Variants in FBXW7 observed in about 807,000 individuals in gnomAD.
The protein encoded by FBXW7 is F-box and WD repeat domain containing 7, also known as F-box/WD repeat-containing protein 7.
Under a neutral mutation model 86.3 loss-of-function variants are expected in FBXW7, and 11 were observed. That is an observed-to-expected ratio of 0.13 (90% CI 0.08 to 0.21). The LOEUF (loss-of-function observed/expected upper bound fraction) is 0.21. FBXW7 is among the 10% of genes least tolerant of loss of function. The pLI is 1.00. For synonymous variants in FBXW7, 313 were observed against 297.9 expected, an observed-to-expected ratio of 1.05 and a Z score of -0.52; for missense variants, 488 against 847.4, an observed-to-expected ratio of 0.58 and a Z score of 5.27.
At chr4:152,518,860 G>A (rs1261638628) in intron 2 of FBXW7, among the ~76,000 whole-genome samples, 2 of 152,070 alleles carry the variant, frequency 1.3e-5, no homozygotes, top group Non-Finnish European at 2.9e-5. Context: ...TAAAAACTAT[G>A]TTCTCACAGT....
chr4:152,346,704 T>C (rs1230046483), intron 6 of FBXW7: 1 of 487,008 alleles, frequency 2.1e-6, no homozygotes, highest in Non-Finnish European at 3.6e-6. Context: ...CAGGCAACCA[T>C]TAATCTACTT....
At chr4:152,349,172 T>C (rs1483818084) in intron 5 of FBXW7, among the ~76,000 whole-genome samples, 1 of 151,982 alleles carries the variant, frequency 6.6e-6, no homozygotes, top group Admixed American at 6.6e-5. Context: ...GTGCATCTTA[T>C]AGAATAAAAA....
At chr4:152,392,610 G>A (rs1160723212) in intron 4 of FBXW7, among the ~76,000 whole-genome samples, 1 of 152,084 alleles carries the variant, frequency 6.6e-6, no homozygotes, top group Admixed American at 6.6e-5. Context: ...AGAACAATGA[G>A]AAATAATAAA....
Position 152,330,813 on chromosome 4 carries a change from T to C in FBXW7, c.1041A>G (p.Ile347Met), listed in dbSNP as rs1729498373. The C allele has an allele frequency of 6.2e-7, 1 of 1,612,722 alleles. No homozygotes were observed. Among genetic ancestry groups the C allele is most frequent in the African/African-American group, 1.3e-5 (1 of 74,968 alleles). ...KRRKVIKPGF[I>M]HSPWKSAYIR... ...TGTATGCACTTTTCCATGGACTGTG[T>C]ATGAAACCTGGTTTTATTACTTTTC... Residue 347 changes from isoleucine (I) to methionine (M), a missense_variant, in exon 9 of 14, where the codon ATA becomes ATG. By Grantham distance (10) the Ile-to-Met change is conservative (BLOSUM62 1). Transcript: ENST00000281708.
In FBXW7 at chr4:152,324,169, G is replaced by A. The variant is rs1407332264; in HGVS notation, c.1855+15C>T. 2.5e-6 allele frequency: 4 copies of A among 1,598,074 alleles called. No homozygotes were observed. The highest frequency in any genetic ancestry group is 1.7e-5 in the Admixed American group (1 of 59,782). On this transcript the variant is annotated intron_variant, in intron 13 of 13. Transcript: ENST00000281708. ...TCATTTTTAATGAACAAAACGAAAG[G>A]TGAGTAAGACTTACCTTGCAATGTT...
chr4:152,357,114 A>C (rs765138237), intron 4 of FBXW7, among the ~76,000 whole-genome samples: 53 of 152,160 alleles, frequency 3.5e-4, no homozygotes, highest in Non-Finnish European at 5.4e-4. Context: ...CTAAGTAAAC[A>C]AATACTGTGA....
chr4:152,526,441 G>C (rs969382793), intron 2 of FBXW7, among the ~76,000 whole-genome samples: 10 of 152,002 alleles, frequency 6.6e-5, no homozygotes, highest in Admixed American at 3.3e-4. Context: ...AGGTATTTCT[G>C]AAAACCAATC....
intron 2 of FBXW7, among the ~76,000 whole-genome samples, chr4:152,479,271 C>A (rs913811689): frequency 6.6e-6 from 1 of 151,848 alleles, no homozygotes; most frequent in Non-Finnish European, 1.5e-5. Context: ...ACAAGTCTTA[C>A]AAAGTAATAA....
chr4:152,493,013 T>C (rs1177688952), intron 2 of FBXW7, among the ~76,000 whole-genome samples: 1 of 151,148 alleles, frequency 6.6e-6, no homozygotes. Context: ...ATAACAGAAG[T>C]AAGAGAAGCA....
chr4:152,418,167 T>A (rs1738623925), intron 2 of FBXW7, among the ~76,000 whole-genome samples: 1 of 142,478 alleles, frequency 7.0e-6, no homozygotes, highest in Non-Finnish European at 1.5e-5. Flanking sequence ...ACACACAAAA[T>A]CCACTTAGCA....
At chr4:152,334,994 G>T (rs895038608) in intron 7 of FBXW7, among the ~76,000 whole-genome samples, 1 of 152,108 alleles carries the variant, frequency 6.6e-6, no homozygotes, top group African/African-American at 2.4e-5. Flanking sequence ...TGTCAACAAG[G>T]TTATGTCTTA....
At chr4:152,383,679 T>C (rs941600145) in intron 4 of FBXW7, among the ~76,000 whole-genome samples, 1 of 152,120 alleles carries the variant, frequency 6.6e-6, no homozygotes, top group Non-Finnish European at 1.5e-5. Context: ...AAGAAAGGAT[T>C]TGAAAGGAGA....
intron 2 of FBXW7, among the ~76,000 whole-genome samples, chr4:152,527,506 G>A (rs1251514900): frequency 1.3e-5 from 2 of 152,204 alleles, no homozygotes; most frequent in Non-Finnish European, 2.9e-5. Flanking sequence ...TGTGGCCCCA[G>A]CCTGTAATCT....
At chr4:152,501,552 AGAG>A (rs1172052672) in intron 2 of FBXW7, among the ~76,000 whole-genome samples, 1 of 152,204 alleles carries the variant, frequency 6.6e-6, no homozygotes, top group Non-Finnish European at 1.5e-5. Flanking sequence ...TTAAAACCAC[AGAG>A]GAGTTGAAGT....
chr4:152,446,983 A>G (rs2676332), intron 2 of FBXW7, among the ~76,000 whole-genome samples: 6,175 of 152,266 alleles, frequency 0.041, 415 homozygotes, highest in African/African-American at 0.14. Context: ...GTTGAATAAT[A>G]AAAGATTACA....
At chr4:152,499,509 C>A (rs1746705860) in intron 2 of FBXW7, among the ~76,000 whole-genome samples, 1 of 152,110 alleles carries the variant, frequency 6.6e-6, no homozygotes, top group Admixed American at 6.5e-5. Context: ...ATAACTAAGC[C>A]TTGTACAAAC....
At chr4:152,379,203 T>G (rs1430992671) in intron 4 of FBXW7, among the ~76,000 whole-genome samples, 1 of 152,064 alleles carries the variant, frequency 6.6e-6, no homozygotes, top group Non-Finnish European at 1.5e-5. Flanking sequence ...TTACCATAAT[T>G]AGGCATTCCA....
chr4:152,459,248 CATT>C (rs745873173), intron 2 of FBXW7, among the ~76,000 whole-genome samples: 11 of 152,296 alleles, frequency 7.2e-5, no homozygotes, highest in South Asian at 2.1e-4. Context: ...AGGATGACAT[CATT>C]ATCATCATAT....
At chr4:152,460,658 T>C (rs1742855658) in intron 2 of FBXW7, among the ~76,000 whole-genome samples, 1 of 152,240 alleles carries the variant, frequency 6.6e-6, no homozygotes, top group Non-Finnish European at 1.5e-5. Context: ...CCATTGTTTC[T>C]GGTAAGATAT....
Sources: gnomAD v4.1 joint callset for allele counts (sites outside exome capture counted in the v4.1 genomes callset) on GRCh38, gnomAD v4.1.1 for gene constraint, MANE v1.5 for transcripts, NCBI Gene and HGNC (gene_info 2026-07-23, HGNC 2026-07-21) for gene names.